Variants in SENP5 observed in about 807,000 individuals in gnomAD.
SENP5 encodes the protein SUMO specific peptidase 5.
In SENP5, 21 loss-of-function variants were observed where a neutral mutation model predicts 74.2. The observed-to-expected ratio is 0.28, with a 90% CI of 0.20 to 0.41. The LOEUF (loss-of-function observed/expected upper bound fraction) is 0.41. Among genes scored for constraint, SENP5 ranks in the 10% least tolerant of loss-of-function variants. SENP5 has a pLI of 1.00. For synonymous variants in SENP5, 311 were observed against 312.7 expected, an observed-to-expected ratio of 0.99 and a Z score of 0.06; for missense variants, 717 against 889.1, an observed-to-expected ratio of 0.81 and a Z score of 2.46.
intron 2 of SENP5, among the ~76,000 whole-genome samples, chr3:196,894,262 G>C (rs1420532996): frequency 2.6e-5 from 4 of 151,274 alleles, no homozygotes; most frequent in Non-Finnish European, 5.9e-5. Context: ...TAGTTGGGAT[G>C]ACAGGTGCCC....
At chr3:196,914,887 A>G (rs1715309395) in intron 6 of SENP5, among the ~76,000 whole-genome samples, 1 of 152,028 alleles carries the variant, frequency 6.6e-6, no homozygotes, top group African/African-American at 2.4e-5. Flanking sequence ...CCCCTTCCCT[A>G]TCCCCTGGCA....
At position 196,931,068 on chromosome 3, in the gene SENP5, C is replaced by G; in HGVS notation, c.*145C>G. The G allele has an allele frequency of 1.6e-6, 1 of 617,478 alleles. No homozygotes were observed. The highest frequency in any genetic ancestry group is 2.8e-5 in the East Asian group (1 of 35,980). 38.2% of individuals were successfully genotyped at this position (617,478 alleles called of 1,614,324 possible). On this transcript the variant is annotated 3_prime_UTR_variant, in exon 10 of 10. Coordinates refer to ENST00000323460, the MANE Select transcript of SENP5 (RefSeq NM_152699.5). ...TGTTACCTCAAATTTATTTTTTGCC[C>G]TTATTCATTTCTCCAGCTACCATGT...
chr3:196,875,731 TA>T (rs1233880628), intron 1 of SENP5, among the ~76,000 whole-genome samples: 5 of 152,294 alleles, frequency 3.3e-5, no homozygotes, highest in South Asian at 2.1e-4. Flanking sequence ...ATTTTTATTT[TA>T]TTTTTTTATT....
At chr3:196,876,088 T>G (rs900869206) in intron 1 of SENP5, among the ~76,000 whole-genome samples, 1 of 152,210 alleles carries the variant, frequency 6.6e-6, no homozygotes, top group Non-Finnish European at 1.5e-5. Flanking sequence ...TTAAGAAGTT[T>G]GTTTATATAG....
chr3:196,922,196 A>G lies in SENP5; in HGVS notation c.1885-1218A>G, dbSNP rs76260967. On this transcript the variant is annotated intron_variant, in intron 6 of 9. Coordinates refer to ENST00000323460, the MANE Select transcript of SENP5 (RefSeq NM_152699.5). ...ACAGAGTTGTATGCATTTTACACAT[A>G]TTCTTTTATTACTCTTAAAAACTTC... 6.1e-3 allele frequency among the ~76,000 whole-genome samples: 934 copies of G among 152,328 alleles called. 4 individuals are homozygous for G. Among genetic ancestry groups the G allele is most frequent in the Non-Finnish European group, 0.011 (761 of 68,036 alleles).
intron 2 of SENP5, among the ~76,000 whole-genome samples, chr3:196,888,340 T>G (rs1309894811): frequency 6.6e-6 from 1 of 152,074 alleles, no homozygotes; most frequent in Non-Finnish European, 1.5e-5. Flanking sequence ...CCCAACACTT[T>G]GGGAGGCCGA....
chr3:196,931,877 C>G lies in SENP5; in HGVS notation c.*954C>G, dbSNP rs140600448. 8 of 449,796 alleles carry G rather than the reference C, an allele frequency of 1.8e-5. No individual in the cohort carries two copies. In the East Asian group the frequency reaches 5.8e-4, roughly 33 times the overall value. The allele number at this position is 449,796 out of a possible 1,614,324, so 27.9% of individuals were successfully genotyped here. A position where few individuals can be genotyped will look rare whatever the true frequency, so the allele number is the denominator to read the frequency against. On this transcript the variant is annotated 3_prime_UTR_variant, in exon 10 of 10. Coordinates refer to ENST00000323460, the MANE Select transcript of SENP5 (RefSeq NM_152699.5). ...CAAGGGTATCTGAAACGTAAACATT[C>G]AAAACTGAAGGCTGACTGACTTGAG...
intron 6 of SENP5, among the ~76,000 whole-genome samples, chr3:196,905,739 T>TTTTTATGGAGGCTTCA (rs1714875883): frequency 3.9e-5 from 6 of 152,020 alleles, no homozygotes. Flanking sequence ...GTGCAGTCAG[T>TTTTTATGGAGGCTTCA]TTTTATGGAG....
At chr3:196,902,005 TTG>T (rs1714720382) in intron 5 of SENP5, among the ~76,000 whole-genome samples, 1 of 152,190 alleles carries the variant, frequency 6.6e-6, no homozygotes, top group African/African-American at 2.4e-5. Context: ...GACCACCGAT[TTG>T]TGTTTTGACA....
chr3:196,917,444 A>G (rs1158641481), intron 6 of SENP5, among the ~76,000 whole-genome samples: 1 of 152,180 alleles, frequency 6.6e-6, no homozygotes, highest in Non-Finnish European at 1.5e-5. Context: ...GAAAGGTATC[A>G]ATATTCAGGT....
chr3:196,926,260 G>A (rs991492035), intron 7 of SENP5, among the ~76,000 whole-genome samples: 1 of 151,948 alleles, frequency 6.6e-6, no homozygotes, highest in Admixed American at 6.6e-5. Context: ...GAGGCGGGCG[G>A]ATCAGAAGGT....
intron 7 of SENP5, among the ~76,000 whole-genome samples, chr3:196,924,579 G>A (rs957922333): frequency 4.6e-5 from 7 of 150,690 alleles, no homozygotes; most frequent in Admixed American, 2.0e-4. Context: ...CTATTCAAGT[G>A]TCTATGTAAG....
intron 6 of SENP5, 122 bp from the exon 7 acceptor site, chr3:196,923,292 T>C (rs1240559623): frequency 3.0e-6 from 3 of 1,006,376 alleles, no homozygotes; most frequent in African/African-American, 1.6e-5. Context: ...CAAATTCTGG[T>C]TCATTGCTTC....
At chr3:196,910,421 A>G (rs1247636911) in intron 6 of SENP5, among the ~76,000 whole-genome samples, 2 of 126,510 alleles carry the variant, frequency 1.6e-5, no homozygotes, top group African/African-American at 6.2e-5. Flanking sequence ...ATCGTGGCTC[A>G]CTGCAACCTC....
intron 2 of SENP5, among the ~76,000 whole-genome samples, chr3:196,896,324 A>G (rs1336587630): frequency 6.6e-6 from 1 of 152,208 alleles, no homozygotes; most frequent in Non-Finnish European, 1.5e-5. Flanking sequence ...GCATGACATG[A>G]TAGTTAACAG....
rs1254965440 is a variant in SENP5 at position 196,885,770 on chromosome 3, T to TA, written c.590dup (p.Tyr197Ter). 1.2e-6 allele frequency: 2 copies of TA among 1,614,100 alleles called. No homozygotes were observed. Among genetic ancestry groups the TA allele is most frequent in the Admixed American group, 1.7e-5 (1 of 60,006 alleles). The change falls in exon 2 of 10, where the codon TAC (tyrosine) becomes TAAC (stop). Residue 197 changes from tyrosine to a stop codon, truncating the protein, a stop_gained and frameshift_variant. Transcript: ENST00000323460. LOFTEE classifies it high-confidence loss of function. ...CAACCATAAGAGAAAGGGCTTTTGT[T>TA]ACGGCTGCTGCCAAGGGCCGGAGCA... Reference protein sequence around the residue: ...LNNHKRKGFCYGCCQGPEHHR... With the variant: ...LNNHKRKGFC
chr3:196,892,102 T>C (rs996377263), intron 2 of SENP5, among the ~76,000 whole-genome samples: 1 of 151,020 alleles, frequency 6.6e-6, no homozygotes, highest in South Asian at 2.1e-4. Flanking sequence ...CCTTGACTCT[T>C]AAAAAAAGAA....
Position 196,930,936 on chromosome 3 carries a change from A to C in SENP5, c.*13A>C. ...GCTCATGGACTGAAACTCAGCAGGG[A>C]CTCTGGGAAGTCTGACCAAGTTGGA... On this transcript the variant is annotated 3_prime_UTR_variant, in exon 10 of 10. Transcript: ENST00000323460. The C allele has an allele frequency of 2.5e-6, 4 of 1,575,768 alleles. No individual in the cohort carries two copies. Among genetic ancestry groups the C allele is most frequent in the Non-Finnish European group, 3.5e-6 (4 of 1,145,192 alleles).
rs200479894 is a variant in SENP5, at chr3:196,887,190, C to CT, written c.1513+504dup. Among the ~76,000 whole-genome samples the CT allele has an allele frequency of 6.7e-3, 982 of 146,000 alleles. 11 individuals carry two copies. The highest frequency in any genetic ancestry group is 0.024 in the African/African-American group (927 of 38,236). On this transcript the variant is annotated intron_variant, in intron 2 of 9. Coordinates refer to ENST00000323460, the MANE Select transcript of SENP5 (RefSeq NM_152699.5). ...GCATGGTTTTCCTTTGCCTATTTTT[C>CT]TTTTTTTTGAGATGGAGTCTTACTC...
Sources: allele counts gnomAD v4.1 joint callset (sites outside exome capture counted in the v4.1 genomes callset), GRCh38; gene constraint gnomAD v4.1.1; transcripts MANE v1.5; gene names NCBI Gene and HGNC (gene_info 2026-07-23, HGNC 2026-07-21).